Variants in ATP8A2 observed in about 807,000 individuals in gnomAD.
The protein encoded by ATP8A2 is ATPase phospholipid transporting 8A2, also known as phospholipid-transporting ATPase IB.
In ATP8A2, 100 loss-of-function variants were observed where a neutral mutation model predicts 165.6. The ratio of observed to expected loss-of-function variants is 0.60; its 90% CI spans 0.51 to 0.71. The LOEUF (loss-of-function observed/expected upper bound fraction) is 0.71. ATP8A2 is among the 30% of genes least tolerant of loss of function. The pLI is 0.00. For synonymous variants in ATP8A2, 543 were observed against 548.8 expected, an observed-to-expected ratio of 0.99 and a Z score of 0.15; for missense variants, 1,227 against 1,479.5, an observed-to-expected ratio of 0.83 and a Z score of 2.80.
At chr13:25,995,375 T>G (rs1956475938) in intron 35 of ATP8A2, among the ~76,000 whole-genome samples, 1 of 151,568 alleles carries the variant, frequency 6.6e-6, no homozygotes, top group African/African-American at 2.4e-5. Context: ...ATTTTGCTCT[T>G]CTTTTCTAGT....
intron 35 of ATP8A2, among the ~76,000 whole-genome samples, chr13:25,970,740 G>A (rs1010589227): frequency 2.6e-5 from 4 of 152,208 alleles, no homozygotes; most frequent in Admixed American, 1.3e-4. Flanking sequence ...ACTTTGGCAG[G>A]AGAGTCATGA....
chr13:25,902,854 G>A (rs184933245), intron 33 of ATP8A2, among the ~76,000 whole-genome samples: 2 of 151,612 alleles, frequency 1.3e-5, no homozygotes, highest in South Asian at 2.1e-4. Flanking sequence ...TTTTCAGTAC[G>A]ACATTTCCTC....
chr13:25,488,610 G>A (rs1249509005), intron 2 of ATP8A2, among the ~76,000 whole-genome samples: 3 of 152,008 alleles, frequency 2.0e-5, no homozygotes, highest in Non-Finnish European at 1.5e-5. Context: ...GGTGGCATGC[G>A]CCTGTAGTCC....
intron 2 of ATP8A2, among the ~76,000 whole-genome samples, chr13:25,498,573 T>C (rs187298983): frequency 6.6e-6 from 1 of 152,294 alleles, no homozygotes; most frequent in East Asian, 1.9e-4. Context: ...CCAATGTGGA[T>C]AATCCTGTTA....
At chr13:25,882,808 C>A (rs1385700329) in intron 33 of ATP8A2, among the ~76,000 whole-genome samples, 1 of 152,086 alleles carries the variant, frequency 6.6e-6, no homozygotes, top group Non-Finnish European at 1.5e-5. Context: ...TCCCAAGCGT[C>A]TACTCACTGA....
At chr13:25,990,481 A>G (rs575958831) in intron 35 of ATP8A2, among the ~76,000 whole-genome samples, 2 of 152,230 alleles carry the variant, frequency 1.3e-5, no homozygotes, top group East Asian at 3.9e-4. Flanking sequence ...CACGGGAAGA[A>G]CATCCCAGGC....
intron 35 of ATP8A2, among the ~76,000 whole-genome samples, chr13:25,978,357 G>C (rs1444780163): frequency 6.6e-6 from 1 of 152,014 alleles, no homozygotes; most frequent in Non-Finnish European, 1.5e-5. Context: ...TCGGCTTCCC[G>C]TTTTGCCTAC....
chr13:25,678,096 G>A (rs2042408601), intron 24 of ATP8A2, among the ~76,000 whole-genome samples: 1 of 151,890 alleles, frequency 6.6e-6, no homozygotes, highest in Non-Finnish European at 1.5e-5. Context: ...GAGTGGATAA[G>A]TAATAGAGGT....
At chr13:25,748,950 G>A (rs2044096445) in intron 25 of ATP8A2, among the ~76,000 whole-genome samples, 1 of 152,168 alleles carries the variant, frequency 6.6e-6, no homozygotes. Flanking sequence ...ACAGTATGTG[G>A]AGATTAAAAT....
intron 24 of ATP8A2, among the ~76,000 whole-genome samples, chr13:25,624,576 G>A (rs998193598): frequency 3.9e-5 from 6 of 152,106 alleles, no homozygotes; most frequent in Non-Finnish European, 5.9e-5. Flanking sequence ...ATTGTATGTA[G>A]GTGAACAATG....
chr13:25,714,752 A>T (rs2043220648), intron 25 of ATP8A2, among the ~76,000 whole-genome samples: 1 of 152,212 alleles, frequency 6.6e-6, no homozygotes, highest in Non-Finnish European at 1.5e-5. Context: ...GAAAATGTTT[A>T]GGGTGTCAGG....
At chr13:25,974,940 C>A (rs1224721369) in intron 35 of ATP8A2, among the ~76,000 whole-genome samples, 1 of 152,180 alleles carries the variant, frequency 6.6e-6, no homozygotes, top group Non-Finnish European at 1.5e-5. Flanking sequence ...CTGCCCTCAG[C>A]CCACCACCTG....
At chr13:25,840,967 C>T (rs1391443896) in intron 30 of ATP8A2, among the ~76,000 whole-genome samples, 1 of 152,214 alleles carries the variant, frequency 6.6e-6, no homozygotes, top group Non-Finnish European at 1.5e-5. Flanking sequence ...TCTAGACATC[C>T]TACTGTGTTC....
chr13:25,993,657 T>C (rs1264249645), intron 35 of ATP8A2, among the ~76,000 whole-genome samples: 1 of 152,290 alleles, frequency 6.6e-6, no homozygotes, highest in East Asian at 1.9e-4. Context: ...GATGGGTATG[T>C]TTATGTGAGC....
intron 27 of ATP8A2, among the ~76,000 whole-genome samples, chr13:25,801,464 C>G (rs952151428): frequency 2.0e-5 from 3 of 152,258 alleles, no homozygotes; most frequent in African/African-American, 7.2e-5. Context: ...CAGTGCTGCT[C>G]TTACAACCTG....
chr13:25,899,206 C>T (rs1041397738), intron 33 of ATP8A2, among the ~76,000 whole-genome samples: 3 of 152,162 alleles, frequency 2.0e-5, no homozygotes, highest in Non-Finnish European at 2.9e-5. Flanking sequence ...TGCTGGCGAG[C>T]GTGGAAACAT....
chr13:25,636,254 T>G (rs906513521), intron 24 of ATP8A2, among the ~76,000 whole-genome samples: 1 of 152,194 alleles, frequency 6.6e-6, no homozygotes, highest in Non-Finnish European at 1.5e-5. Context: ...TCTAACCCCC[T>G]GCTGTGTTTC....
intron 1 of ATP8A2, among the ~76,000 whole-genome samples, chr13:25,382,788 C>A (rs1266656635): frequency 6.6e-6 from 1 of 150,948 alleles, no homozygotes; most frequent in Non-Finnish European, 1.5e-5. Context: ...CAGAGTCTCG[C>A]TGTGTCGCCC....
chr13:26,000,746 C>T (rs9512015), intron 35 of ATP8A2, among the ~76,000 whole-genome samples: 47 of 151,090 alleles, frequency 3.1e-4, no homozygotes, highest in South Asian at 8.4e-4. Context: ...CAATACCCCC[C>T]ACCATGGGAA....
Sources: allele counts gnomAD v4.1 joint callset (sites outside exome capture counted in the v4.1 genomes callset), GRCh38; gene constraint gnomAD v4.1.1; transcripts MANE v1.5; gene names NCBI Gene and HGNC (gene_info 2026-07-23, HGNC 2026-07-21).